The following TRPM8 variants were observed in gnomAD, a reference collection of about 807,000 sequenced individuals.
The protein encoded by TRPM8 is TRPM8 cationic channel.
TRPM8 carries 110 observed loss-of-function variants against 133.7 expected under a neutral mutation model. The observed-to-expected ratio is 0.82, with a 90% CI of 0.70 to 0.96. The LOEUF (loss-of-function observed/expected upper bound fraction) is 0.96. TRPM8 is among the 40% of genes least tolerant of loss of function. TRPM8 has a pLI of 0.00. For missense variants in TRPM8, 1,291 were observed against 1,379.5 expected, an observed-to-expected ratio of 0.94 and a Z score of 1.02; for synonymous variants, 535 against 532.3, an observed-to-expected ratio of 1.01 and a Z score of -0.07.
At chr2:233,931,631 A>G (rs1332061045) in intron 3 of TRPM8, among the ~76,000 whole-genome samples, 1 of 152,236 alleles carries the variant, frequency 6.6e-6, no homozygotes, top group East Asian at 1.9e-4. Context: ...TAGCAAAAGT[A>G]TACCTCATGG....
chr2:233,928,976 AT>A (rs1245523399), intron 2 of TRPM8, among the ~76,000 whole-genome samples: 3 of 139,834 alleles, frequency 2.1e-5, no homozygotes, highest in Admixed American at 1.4e-4. Flanking sequence ...TACTATGAGT[AT>A]TTTTTTGTGA....
chr2:233,992,567 T>C (rs538126857), intron 21 of TRPM8, among the ~76,000 whole-genome samples: 128 of 152,206 alleles, frequency 8.4e-4, no homozygotes, highest in Non-Finnish European at 1.6e-3. Flanking sequence ...TCCCTCTGCA[T>C]GGCCTCTCCT....
At chr2:233,955,409 C>A in intron 11 of TRPM8, 159 bp downstream of exon 11, 1 of 579,728 alleles carries the variant, frequency 1.7e-6, no homozygotes, top group South Asian at 2.3e-5. Context: ...TCCTTGTTTG[C>A]AGCATGGAAT....
chr2:233,938,875 G>A, intron 4 of TRPM8, 123 bp from the exon 5 acceptor site: 1 of 1,098,084 alleles, frequency 9.1e-7, no homozygotes. Context: ...GATCCCTGCT[G>A]CCCCCACCCC....
Position 233,985,750 on chromosome 2 carries a change from G to T in TRPM8, c.2824G>T (p.Glu942Ter), listed in dbSNP as rs1480699096. Residue 942 changes from glutamate (E) to a stop codon, truncating the protein, a stop_gained, in exon 21 of 26, where the codon GAG (glutamate) becomes TAG (stop). Coordinates refer to ENST00000324695, the MANE Select transcript of TRPM8 (RefSeq NM_024080.5). LOFTEE classifies it high-confidence loss of function. Reference sequence around the variant, plus strand: ...GAATGAGTCCAAGCCACTGTGTGTGGAGCTGGATGAGCACAACCTGCCCCG... The same window carrying T: ...GAATGAGTCCAAGCCACTGTGTGTGTAGCTGGATGAGCACAACCTGCCCCG... Reference protein sequence around the residue: ...TGNESKPLCVELDEHNLPRFP... With the variant: ...TGNESKPLCV The T allele has an allele frequency of 5.6e-6, 9 of 1,614,092 alleles. No individual in the cohort carries two copies. In the Admixed American group the frequency reaches 1.3e-4, roughly 24 times the overall value.
At chr2:233,918,589 T>C (rs73998957) in intron 1 of TRPM8, among the ~76,000 whole-genome samples, 6,335 of 152,194 alleles carry the variant, frequency 0.042, 441 homozygotes, top group African/African-American at 0.14. Context: ...GCAGGATACC[T>C]TGGGGTCAAT....
intron 3 of TRPM8, among the ~76,000 whole-genome samples, chr2:233,936,789 C>G (rs529401175): frequency 1.3e-4 from 20 of 152,240 alleles, no homozygotes; most frequent in South Asian, 4.1e-4. Context: ...GATTCCATGA[C>G]AGCAGGGCTT....
intron 13 of TRPM8, 63 bp downstream of exon 13, chr2:233,963,440 C>A (rs781024203): frequency 5.4e-5 from 56 of 1,033,982 alleles, no homozygotes; most frequent in Non-Finnish European, 7.0e-5. Flanking sequence ...CAGTTCTGAT[C>A]CTCTCAAAAT....
intron 8 of TRPM8, chr2:233,947,674 A>G: frequency 1.7e-6 from 2 of 1,178,080 alleles, no homozygotes; most frequent in Non-Finnish European, 2.3e-6. Flanking sequence ...TGAGCAACTG[A>G]GCAAGAATTT....
chr2:233,938,643 T>G (rs185548872), intron 4 of TRPM8, among the ~76,000 whole-genome samples: 1 of 151,392 alleles, frequency 6.6e-6, no homozygotes, highest in African/African-American at 2.4e-5. Flanking sequence ...AAGAGACAAA[T>G]AGTAGCATTC....
chr2:233,964,182 A>T (rs1174037784), intron 13 of TRPM8, among the ~76,000 whole-genome samples: 2 of 152,136 alleles, frequency 1.3e-5, no homozygotes, highest in East Asian at 1.9e-4. Flanking sequence ...CATAAAATTG[A>T]TTCTACTATT....
intron 20 of TRPM8, among the ~76,000 whole-genome samples, chr2:233,985,124 G>A (rs1393769925): frequency 8.0e-5 from 12 of 150,800 alleles, no homozygotes; most frequent in Admixed American, 4.0e-4. Flanking sequence ...TGTCTGCTCC[G>A]TGCACATCTT....
At chr2:234,002,380 G>A (rs984990165) in intron 22 of TRPM8, among the ~76,000 whole-genome samples, 7 of 152,106 alleles carry the variant, frequency 4.6e-5, no homozygotes, top group African/African-American at 1.4e-4. Flanking sequence ...AGCCCACCAA[G>A]TCACAGTGAA....
chr2:233,949,546 A>C (rs1006092960), intron 8 of TRPM8, among the ~76,000 whole-genome samples: 6 of 152,256 alleles, frequency 3.9e-5, no homozygotes, highest in Admixed American at 3.9e-4. Context: ...CAAAAGTATG[A>C]GTATTGGTTA....
At chr2:233,993,563 G>A (rs1324679155) in intron 21 of TRPM8, among the ~76,000 whole-genome samples, 1 of 152,206 alleles carries the variant, frequency 6.6e-6, no homozygotes. Context: ...CTCATGGACT[G>A]TACAAAAACA....
At chr2:233,994,255 C>A (rs892643207) in intron 21 of TRPM8, among the ~76,000 whole-genome samples, 2 of 152,198 alleles carry the variant, frequency 1.3e-5, no homozygotes, top group Admixed American at 6.5e-5. Context: ...ACAGAACCAG[C>A]TGTGGACTAG....
chr2:233,975,886 A>G (rs1030367245), intron 17 of TRPM8, among the ~76,000 whole-genome samples: 1 of 152,062 alleles, frequency 6.6e-6, no homozygotes, highest in African/African-American at 2.4e-5. Flanking sequence ...CACCTCAAAC[A>G]AAACAAAACA....
intron 3 of TRPM8, among the ~76,000 whole-genome samples, chr2:233,936,779 G>A (rs1314273756): frequency 6.6e-6 from 1 of 152,104 alleles, no homozygotes; most frequent in Non-Finnish European, 1.5e-5. Flanking sequence ...ACAGAAGATC[G>A]ATTCCATGAC....
At chr2:233,954,785 T>A (rs1410676846) in intron 10 of TRPM8, among the ~76,000 whole-genome samples, 1 of 152,258 alleles carries the variant, frequency 6.6e-6, no homozygotes, top group East Asian at 1.9e-4. Flanking sequence ...TGGCTTATTG[T>A]TTCGTAGATT....
Sources: allele counts gnomAD v4.1 joint callset (sites outside exome capture counted in the v4.1 genomes callset), GRCh38; gene constraint gnomAD v4.1.1; transcripts MANE v1.5; gene names NCBI Gene and HGNC (gene_info 2026-07-23, HGNC 2026-07-21).